EXOC4: variants seen among roughly 807,000 people sequenced by gnomAD.
EXOC4 encodes the protein SEC8-like 1.
Under a neutral mutation model 107.2 loss-of-function variants are expected in EXOC4, and 71 were observed. The ratio of observed to expected loss-of-function variants is 0.66; its 90% CI spans 0.55 to 0.81. EXOC4 has a LOEUF of 0.81. EXOC4 is among the 30% of genes least tolerant of loss of function. The pLI, the probability that EXOC4 is intolerant of heterozygous loss-of-function variation, is 0.00. For synonymous variants in EXOC4, 456 were observed against 441.2 expected, an observed-to-expected ratio of 1.03 and a Z score of -0.42; for missense variants, 1,108 against 1,189.6, an observed-to-expected ratio of 0.93 and a Z score of 1.01.
Position 133,375,431 on chromosome 7 carries a change from C to T in EXOC4, c.1182+429C>T, listed in dbSNP as rs373763192. On this transcript the variant is annotated intron_variant, in intron 7 of 17. Coordinates refer to ENST00000253861, the MANE Select transcript of EXOC4 (RefSeq NM_021807.4). ...GCAGAGTTTGCAGTGAGCCATTGTACCACTGCACTCCAGCCTGGGTAACAG... is the reference window on the plus strand; with the variant it reads ...GCAGAGTTTGCAGTGAGCCATTGTATCACTGCACTCCAGCCTGGGTAACAG... Among the ~76,000 whole-genome samples, 37 of 152,142 alleles carry T rather than the reference C, an allele frequency of 2.4e-4. No homozygotes were observed. The East Asian group carries it at 7.0e-3, about 29-fold the overall frequency.
intron 9 of EXOC4, among the ~76,000 whole-genome samples, chr7:133,550,475 A>G (rs1208166595): frequency 6.6e-6 from 1 of 152,194 alleles, no homozygotes; most frequent in East Asian, 1.9e-4. Context: ...ATGTAACTCT[A>G]AGTTTGAGAC....
intron 10 of EXOC4, among the ~76,000 whole-genome samples, chr7:133,767,632 A>G (rs9886071): frequency 0.017 from 2,597 of 152,110 alleles, 71 homozygotes; most frequent in African/African-American, 0.058. Context: ...TTCAACTGCA[A>G]TCTTACATGA....
At chr7:134,090,509 A>G in the EXOC4 span, among the ~76,000 whole-genome samples, 4 of 152,116 alleles carry the variant, frequency 2.6e-5, no homozygotes, top group African/African-American at 9.7e-5. Context: ...ATTAATCAGA[A>G]CTTTACAGAG....
At chr7:133,480,242 A>C (rs1799121997) in intron 9 of EXOC4, 104 bp downstream of exon 9, 1 of 1,542,240 alleles carries the variant, frequency 6.5e-7, no homozygotes, top group Admixed American at 2.0e-5. Flanking sequence ...TCAAGGTAAC[A>C]AACACTTAGT....
At chr7:134,008,526 A>G (rs1404876651) in intron 17 of EXOC4, among the ~76,000 whole-genome samples, 2 of 152,016 alleles carry the variant, frequency 1.3e-5, no homozygotes, top group Non-Finnish European at 2.9e-5. Flanking sequence ...CTGTATTTTT[A>G]CAGGAACCTA....
intron 11 of EXOC4, 52 bp from the exon 12 acceptor site, chr7:133,895,547 C>T: frequency 1.3e-6 from 2 of 1,580,638 alleles, no homozygotes; most frequent in Admixed American, 1.7e-5. Context: ...CTTCCTTGTC[C>T]AACACATTGA....
chr7:133,488,386 A>T (rs1360740304), intron 9 of EXOC4, among the ~76,000 whole-genome samples: 1 of 152,154 alleles, frequency 6.6e-6, no homozygotes, highest in Non-Finnish European at 1.5e-5. Context: ...AGATAGTTTA[A>T]CAAAGTGGGG....
At position 133,391,663 on chromosome 7, in the gene EXOC4, C is replaced by T. The variant is rs1796856422; in HGVS notation, c.1182+16661C>T. Among the ~76,000 whole-genome samples, 2 of 152,160 alleles carry T rather than the reference C, an allele frequency of 1.3e-5. 1 individual carries two copies. Among genetic ancestry groups the T allele is most frequent in the South Asian group, 4.1e-4 (2 of 4,826 alleles). Reference sequence around the variant, plus strand: ...GAGATAGGATGATGTTGAGGAAATACATCATAGACTCCTCATTAGTTGGCA... The same window carrying T: ...GAGATAGGATGATGTTGAGGAAATATATCATAGACTCCTCATTAGTTGGCA... On this transcript the variant is annotated intron_variant, in intron 7 of 17. Coordinates refer to ENST00000253861, the MANE Select transcript of EXOC4 (RefSeq NM_021807.4).
chr7:133,895,284 G>T (rs1799277606), intron 11 of EXOC4: 3 of 188,940 alleles, frequency 1.6e-5, no homozygotes, highest in African/African-American at 7.4e-5. Flanking sequence ...GCCCTGCTTC[G>T]GCTCGCGCAC....
intron 10 of EXOC4, among the ~76,000 whole-genome samples, chr7:133,787,981 A>ATG (rs1796621896): frequency 1.2e-5 from 1 of 80,614 alleles, no homozygotes; most frequent in Admixed American, 1.3e-4. Flanking sequence ...ATATATATAT[A>ATG]TATATATATA....
intron 9 of EXOC4, among the ~76,000 whole-genome samples, chr7:133,543,049 G>C (rs1418862166): frequency 6.6e-6 from 1 of 152,020 alleles, no homozygotes; most frequent in Non-Finnish European, 1.5e-5. Context: ...TGAATATATT[G>C]AGAAACTTGA....
intron 13 of EXOC4, among the ~76,000 whole-genome samples, chr7:133,929,631 C>T (rs888614148): frequency 6.6e-6 from 1 of 152,160 alleles, no homozygotes; most frequent in South Asian, 2.1e-4. Flanking sequence ...GGGTAAATTG[C>T]ATGTCATGGG....
intron 17 of EXOC4, among the ~76,000 whole-genome samples, chr7:134,016,300 G>A (rs757934214): frequency 9.9e-5 from 15 of 152,096 alleles, no homozygotes; most frequent in Non-Finnish European, 2.1e-4. Flanking sequence ...AACCATTAAC[G>A]GAGATCAAGG....
chr7:133,873,166 G>A lies in EXOC4; in HGVS notation c.1735-22433G>A, dbSNP rs1585213810. ...TCTACAAAAAAATTTAGCCAGTTGT[G>A]GTGGTGTGCACCTGATTGTACTACT... On this transcript the variant is annotated intron_variant, in intron 11 of 17. Transcript: ENST00000253861. 2.0e-5 allele frequency among the ~76,000 whole-genome samples: 3 copies of A among 152,296 alleles called. No individual in the cohort carries two copies. In the East Asian group the frequency reaches 5.8e-4, roughly 29 times the overall value.
intron 9 of EXOC4, among the ~76,000 whole-genome samples, chr7:133,597,532 C>A (rs1186875934): frequency 4.8e-5 from 5 of 105,196 alleles, no homozygotes; most frequent in Admixed American, 1.4e-4. Context: ...CCAGCCTGGG[C>A]AAGAAGAGCG....
At chr7:133,924,494 A>G (rs577727485) in intron 13 of EXOC4, among the ~76,000 whole-genome samples, 1 of 152,208 alleles carries the variant, frequency 6.6e-6, no homozygotes, top group Non-Finnish European at 1.5e-5. Context: ...CTTCTGATTT[A>G]AAAAAGCTAG....
chr7:133,266,193 C>A (rs555424289), intron 1 of EXOC4, among the ~76,000 whole-genome samples: 4 of 152,214 alleles, frequency 2.6e-5, no homozygotes, highest in South Asian at 4.1e-4. Context: ...GTCACATGGC[C>A]TTTGCTGTGT....
intron 9 of EXOC4, among the ~76,000 whole-genome samples, chr7:133,599,910 T>A (rs1801768261): frequency 8.4e-6 from 1 of 118,806 alleles, no homozygotes; most frequent in Admixed American, 8.1e-5. Flanking sequence ...TTTTTTTTTT[T>A]TTTTTGGGAG....
chr7:133,377,115 G>A (rs1165649164), intron 7 of EXOC4, among the ~76,000 whole-genome samples: 1 of 152,168 alleles, frequency 6.6e-6, no homozygotes, highest in Admixed American at 6.5e-5. Context: ...ACTTTGGGAG[G>A]CTGAGGTAGG....
Sources: gnomAD v4.1 joint callset for allele counts (sites outside exome capture counted in the v4.1 genomes callset) on GRCh38, gnomAD v4.1.1 for gene constraint, MANE v1.5 for transcripts, NCBI Gene and HGNC (gene_info 2026-07-23, HGNC 2026-07-21) for gene names.